Variants in ADAM18 observed in about 807,000 individuals in gnomAD.
The protein encoded by ADAM18 is ADAM metallopeptidase domain 18.
In ADAM18, 117 loss-of-function variants were observed where a neutral mutation model predicts 94.4. The observed-to-expected ratio is 1.24, with a 90% CI of 1.07 to 1.45. The LOEUF (loss-of-function observed/expected upper bound fraction) is 1.45, where lower values mean the gene tolerates loss of function less well. Ranked by LOEUF, ADAM18 falls within the 40% of genes most tolerant of loss-of-function variation. ADAM18 has a pLI of 0.00. For synonymous variants in ADAM18, 327 were observed against 291.6 expected (o/e 1.12, Z -1.24); for missense variants, 936 against 880.0 (o/e 1.06, Z -0.81).
At chr8:39,680,821 G>T (rs914115527) in intron 16 of ADAM18, among the ~76,000 whole-genome samples, 2 of 152,162 alleles carry the variant, frequency 1.3e-5, no homozygotes, top group African/African-American at 4.8e-5. Flanking sequence ...TGTGGCATCT[G>T]AAATTTCACA....
intron 6 of ADAM18, among the ~76,000 whole-genome samples, chr8:39,615,811 G>A (rs2129578650): frequency 6.6e-6 from 1 of 152,240 alleles, no homozygotes; most frequent in African/African-American, 2.4e-5. Flanking sequence ...TGAAAACCCT[G>A]TAGTCTCTGC....
At chr8:39,708,599 G>A (rs760612630) in intron 18 of ADAM18, among the ~76,000 whole-genome samples, 42 of 152,244 alleles carry the variant, frequency 2.8e-4, no homozygotes, top group Non-Finnish European at 2.4e-4. Context: ...TATTGAAACA[G>A]GATAGTTCCC....
chr8:39,656,910 T>A (rs1291711200), intron 12 of ADAM18, among the ~76,000 whole-genome samples: 1 of 152,152 alleles, frequency 6.6e-6, no homozygotes, highest in Non-Finnish European at 1.5e-5. Flanking sequence ...TTGGTGAGGA[T>A]AAGTAGCTAT....
intron 2 of ADAM18, among the ~76,000 whole-genome samples, chr8:39,602,891 G>A (rs983538085): frequency 4.6e-5 from 7 of 152,104 alleles, no homozygotes; most frequent in Non-Finnish European, 5.9e-5. Flanking sequence ...CAGGAATACA[G>A]AGGTTTTTGT....
At chr8:39,702,163 T>A (rs1196052194) in intron 17 of ADAM18, among the ~76,000 whole-genome samples, 1 of 152,224 alleles carries the variant, frequency 6.6e-6, no homozygotes, top group Non-Finnish European at 1.5e-5. Context: ...ATTTTTTGAC[T>A]TCTTAATAAC....
chr8:39,600,136 A>C (rs957597679), intron 2 of ADAM18, among the ~76,000 whole-genome samples: 2 of 152,132 alleles, frequency 1.3e-5, no homozygotes, highest in Admixed American at 6.5e-5. Context: ...AAAACATATA[A>C]ATTTGTAAAT....
chr8:39,642,904 T>C (rs1820274710), intron 10 of ADAM18, among the ~76,000 whole-genome samples: 1 of 152,152 alleles, frequency 6.6e-6, no homozygotes, highest in South Asian at 2.1e-4. Flanking sequence ...TATTGATTCT[T>C]TCTGTCCATG....
rs181604331 is a variant in ADAM18 at position 39,647,909 on chromosome 8, A to G, written c.1047-435A>G. ...AACATCTCAGCAAAGCAATTGTTTAAGGTACAGGTCAAAATGGAATTTCTT... is the reference window on the plus strand; with the variant it reads ...AACATCTCAGCAAAGCAATTGTTTAGGGTACAGGTCAAAATGGAATTTCTT... On this transcript the variant is annotated intron_variant, in intron 11 of 19. Transcript: ENST00000265707. 4.1e-4 allele frequency among the ~76,000 whole-genome samples: 63 copies of G among 152,340 alleles called. 1 individual carries two copies. In the East Asian group the frequency reaches 0.012, roughly 29 times the overall value.
intron 18 of ADAM18, among the ~76,000 whole-genome samples, chr8:39,708,760 C>T (rs1335991154): frequency 2.0e-5 from 3 of 152,238 alleles, no homozygotes; most frequent in African/African-American, 7.2e-5. Flanking sequence ...CCAGCAGTGG[C>T]AAACTCCACT....
chr8:39,627,812 T>C (rs1324393823), intron 6 of ADAM18, among the ~76,000 whole-genome samples: 2 of 152,166 alleles, frequency 1.3e-5, no homozygotes, highest in African/African-American at 2.4e-5. Context: ...ATAGGTCCTA[T>C]GCATTGTATG....
intron 18 of ADAM18, among the ~76,000 whole-genome samples, chr8:39,714,961 C>G (rs1822530208): frequency 6.6e-6 from 1 of 152,008 alleles, no homozygotes; most frequent in Non-Finnish European, 1.5e-5. Flanking sequence ...GACCTTAATA[C>G]CATGATCAGT....
At chr8:39,686,887 G>C (rs182282690) in intron 16 of ADAM18, among the ~76,000 whole-genome samples, 1 of 152,160 alleles carries the variant, frequency 6.6e-6, no homozygotes, top group Non-Finnish European at 1.5e-5. Context: ...CCATTACTTT[G>C]TTTGGTGCAT....
chr8:39,665,977 T>C (rs764345580), intron 13 of ADAM18, among the ~76,000 whole-genome samples: 1 of 152,178 alleles, frequency 6.6e-6, no homozygotes, highest in African/African-American at 2.4e-5. Context: ...TTCTTGTACC[T>C]GAAGACCTCC....
chr8:39,699,458 T>C (rs1248743624), intron 17 of ADAM18, among the ~76,000 whole-genome samples: 1 of 152,120 alleles, frequency 6.6e-6, no homozygotes, highest in Non-Finnish European at 1.5e-5. Context: ...CTGAATGATA[T>C]TTTAATTTTT....
intron 18 of ADAM18, among the ~76,000 whole-genome samples, chr8:39,717,172 T>A (rs1009200433): frequency 3.3e-5 from 5 of 151,778 alleles, no homozygotes; most frequent in African/African-American, 1.2e-4. Context: ...ACTTATAAAG[T>A]CCATTTTAAG....
chr8:39,664,571 GTTA>G (rs1191598592), intron 13 of ADAM18, among the ~76,000 whole-genome samples: 2 of 151,936 alleles, frequency 1.3e-5, no homozygotes, highest in Non-Finnish European at 2.9e-5. Flanking sequence ...CATCCAAAAA[GTTA>G]TTAACTCTCA....
chr8:39,607,160 A>G (rs543801087), intron 3 of ADAM18, among the ~76,000 whole-genome samples: 2 of 152,336 alleles, frequency 1.3e-5, no homozygotes, highest in East Asian at 3.9e-4. Context: ...ATAAAGTTCA[A>G]TAATTTTAAT....
chr8:39,677,338 AT>A (rs1355664303), intron 14 of ADAM18, 92 bp from the exon 15 acceptor site: 11 of 983,890 alleles, frequency 1.1e-5, no homozygotes, highest in Non-Finnish European at 1.5e-5. Flanking sequence ...CAAGTACATG[AT>A]CTTTTTGAAA....
chr8:39,622,650 A>G (rs1029045076), intron 6 of ADAM18, among the ~76,000 whole-genome samples: 1 of 152,058 alleles, frequency 6.6e-6, no homozygotes, highest in Non-Finnish European at 1.5e-5. Context: ...TTATATCAAA[A>G]TAATACAATC....
Sources: allele counts gnomAD v4.1 joint callset (sites outside exome capture counted in the v4.1 genomes callset), GRCh38; gene constraint gnomAD v4.1.1; transcripts MANE v1.5; gene names NCBI Gene and HGNC (gene_info 2026-07-23, HGNC 2026-07-21).